The following ST3GAL3 variants were observed in gnomAD, a reference collection of about 807,000 sequenced individuals.
ST3GAL3 encodes ST3 beta-galactoside alpha-2,3-sialyltransferase 3, also known as CMP-N-acetylneuraminate-beta-1,4-galactoside alpha-2,3-sialyltransferase.
Under a neutral mutation model 50.1 loss-of-function variants are expected in ST3GAL3, and 21 were observed. That is an observed-to-expected ratio of 0.42 (90% CI 0.30 to 0.60). The LOEUF (loss-of-function observed/expected upper bound fraction) is 0.60, where lower values mean the gene tolerates loss of function less well. ST3GAL3 is among the 20% of genes least tolerant of loss of function. The pLI is 0.19. For missense variants in ST3GAL3, 353 were observed against 489.4 expected, an observed-to-expected ratio of 0.72 and a Z score of 2.63; for synonymous variants, 183 against 190.0, an observed-to-expected ratio of 0.96 and a Z score of 0.30.
chr1:43,749,967 T>C (rs1308386635), intron 2 of ST3GAL3, among the ~76,000 whole-genome samples: 1 of 152,244 alleles, frequency 6.6e-6, no homozygotes, highest in Non-Finnish European at 1.5e-5. Flanking sequence ...CCAAACCTGC[T>C]AATGTTTTGA....
chr1:43,785,893 T>C (rs1443154851), intron 2 of ST3GAL3, among the ~76,000 whole-genome samples: 1 of 152,178 alleles, frequency 6.6e-6, no homozygotes, highest in Admixed American at 6.5e-5. Context: ...GGATGCAGCC[T>C]ACTTTCCATC....
intron 5 of ST3GAL3, among the ~76,000 whole-genome samples, chr1:43,891,527 C>T (rs751691493): frequency 7.9e-5 from 12 of 152,276 alleles, no homozygotes; most frequent in South Asian, 2.1e-4. Flanking sequence ...TGAGATCGCA[C>T]CATTGCACTC....
At chr1:43,744,777 G>A (rs191401497) in intron 2 of ST3GAL3, among the ~76,000 whole-genome samples, 127 of 151,658 alleles carry the variant, frequency 8.4e-4, no homozygotes, top group African/African-American at 2.9e-3. Context: ...TGAGGCAGGC[G>A]GGATCACCTG....
intron 11 of ST3GAL3, among the ~76,000 whole-genome samples, chr1:43,928,609 A>C (rs896194625): frequency 3.8e-4 from 57 of 149,046 alleles, no homozygotes; most frequent in African/African-American, 1.2e-3. Context: ...GAAAAAAAAA[A>C]CAAAAACATT....
At chr1:43,880,422 G>A (rs1037388292) in intron 5 of ST3GAL3, among the ~76,000 whole-genome samples, 4 of 151,960 alleles carry the variant, frequency 2.6e-5, no homozygotes, top group African/African-American at 9.7e-5. Context: ...CCCTTTCCAC[G>A]GAAAAGATAT....
At chr1:43,746,549 G>A (rs1322633550) in intron 2 of ST3GAL3, among the ~76,000 whole-genome samples, 1 of 148,828 alleles carries the variant, frequency 6.7e-6, no homozygotes, top group Non-Finnish European at 1.5e-5. Context: ...TGCAAGCTCC[G>A]CCTCCTGGGT....
Position 43,764,901 on chromosome 1 carries a change from C to T in ST3GAL3, c.119-27201C>T, listed in dbSNP as rs114315772. On this transcript the variant is annotated intron_variant, in intron 2 of 11. Coordinates refer to ENST00000347631, the MANE Select transcript of ST3GAL3 (RefSeq NM_006279.5). Reference sequence around the variant, plus strand: ...TACTGAGTGGCCTCTACAGCTTCCACCATAGTGCCCAAAGGGCTCTCCTGA... The same window carrying T: ...TACTGAGTGGCCTCTACAGCTTCCATCATAGTGCCCAAAGGGCTCTCCTGA... 9.4e-3 allele frequency among the ~76,000 whole-genome samples: 1,434 copies of T among 152,310 alleles called. 26 individuals are homozygous for T. The highest frequency in any genetic ancestry group is 0.034 in the African/African-American group (1,397 of 41,564).
chr1:43,837,302 A>T (rs1217234614), intron 4 of ST3GAL3, among the ~76,000 whole-genome samples: 1 of 152,004 alleles, frequency 6.6e-6, no homozygotes, highest in African/African-American at 2.4e-5. Context: ...TGAAGGACCA[A>T]TAGTTGTTAG....
At chr1:43,886,293 A>G (rs1262269779) in intron 5 of ST3GAL3, among the ~76,000 whole-genome samples, 1 of 152,220 alleles carries the variant, frequency 6.6e-6, no homozygotes, top group Non-Finnish European at 1.5e-5. Flanking sequence ...AGGCAGGAGA[A>G]TCGCTTGAAC....
At chr1:43,856,587 C>T (rs1423443987) in intron 5 of ST3GAL3, among the ~76,000 whole-genome samples, 1 of 152,230 alleles carries the variant, frequency 6.6e-6, no homozygotes, top group African/African-American at 2.4e-5. Context: ...ATAACTAAAG[C>T]TTCTCTGCAG....
At position 43,748,182 on chromosome 1, in the gene ST3GAL3, T is replaced by A. The variant is rs79996730; in HGVS notation, c.118+11802T>A. Among the ~76,000 whole-genome samples, 807 of 152,198 alleles carry A rather than the reference T, an allele frequency of 5.3e-3. 16 individuals are homozygous for A. Among genetic ancestry groups the A allele is most frequent in the African/African-American group, 0.018 (750 of 41,528 alleles). On this transcript the variant is annotated intron_variant, in intron 2 of 11. Coordinates refer to ENST00000347631, the MANE Select transcript of ST3GAL3 (RefSeq NM_006279.5). ...ACACAATATATAAAACTCAGTTGCGTTTCTATATACTGGAAGCACACAAAT... is the reference window on the plus strand; with the variant it reads ...ACACAATATATAAAACTCAGTTGCGATTCTATATACTGGAAGCACACAAAT...
intron 3 of ST3GAL3, among the ~76,000 whole-genome samples, chr1:43,814,416 A>G (rs1272500024): frequency 6.6e-6 from 1 of 152,174 alleles, no homozygotes; most frequent in African/African-American, 2.4e-5. Context: ...ATGTAATCTG[A>G]TCTACTGGTT....
intron 2 of ST3GAL3, among the ~76,000 whole-genome samples, chr1:43,778,909 A>G (rs950611307): frequency 6.6e-6 from 1 of 151,132 alleles, no homozygotes; most frequent in East Asian, 1.9e-4. Context: ...GTCCTCCCAA[A>G]GCGCTGGGAT....
At chr1:43,826,354 A>G (rs1186092432) in intron 4 of ST3GAL3, among the ~76,000 whole-genome samples, 1 of 152,246 alleles carries the variant, frequency 6.6e-6, no homozygotes, top group Admixed American at 6.5e-5. Flanking sequence ...CTTGAAAGAC[A>G]CAAACCACCC....
At chr1:43,708,117 G>A (rs894481698) in intron 1 of ST3GAL3, 1 of 152,312 alleles carries the variant, frequency 6.6e-6, no homozygotes, top group African/African-American at 2.4e-5. Context: ...CTGCTCTAGC[G>A]GGGGCCAGAA....
chr1:43,747,942 T>G (rs1487114370), intron 2 of ST3GAL3, among the ~76,000 whole-genome samples: 2 of 152,038 alleles, frequency 1.3e-5, no homozygotes, highest in Non-Finnish European at 2.9e-5. Context: ...CACTGGTCAT[T>G]GGTGATAAAC....
chr1:43,878,919 C>T (rs1477463146), intron 5 of ST3GAL3: 11 of 425,550 alleles, frequency 2.6e-5, no homozygotes, highest in Non-Finnish European at 5.2e-5. Flanking sequence ...GAATGGGCAG[C>T]TCCTGTTCAC....
chr1:43,765,753 CTGTGTG>C (rs778848698), intron 2 of ST3GAL3, among the ~76,000 whole-genome samples: 2,440 of 115,760 alleles, frequency 0.021, 57 homozygotes, highest in African/African-American at 0.063. Flanking sequence ...CTGTGTGTGT[CTGTGTG>C]TGTGTGTGTG....
intron 3 of ST3GAL3, among the ~76,000 whole-genome samples, chr1:43,812,308 G>GCTCC (rs1558409573): frequency 2.0e-4 from 30 of 152,202 alleles, no homozygotes; most frequent in African/African-American, 6.8e-4. Context: ...GTTAGCAGGA[G>GCTCC]CTGGTGGGAG....
Sources: gnomAD v4.1 joint callset for allele counts (sites outside exome capture counted in the v4.1 genomes callset) on GRCh38, gnomAD v4.1.1 for gene constraint, MANE v1.5 for transcripts, NCBI Gene and HGNC (gene_info 2026-07-23, HGNC 2026-07-21) for gene names.